TADA1: variants seen among roughly 807,000 people sequenced by gnomAD.
The protein encoded by TADA1 is transcriptional adaptor 1, also known as transcriptional adapter 1.
A neutral mutation model predicts 39.3 loss-of-function variants in TADA1; 23 were observed. The observed-to-expected ratio is 0.58, with a 90% CI of 0.42 to 0.83. The LOEUF is 0.83. Ranked by LOEUF, TADA1 falls within the 40% of genes least tolerant of loss-of-function variation. The pLI is 0.00. For synonymous variants in TADA1, 137 were observed against 151.8 expected (o/e 0.90, Z 0.72); for missense variants, 352 against 408.1 (o/e 0.86, Z 1.18).
chr1:166,861,739 A>G (rs17331024), intron 5 of TADA1, among the ~76,000 whole-genome samples: 56,512 of 152,034 alleles, frequency 0.37, 10,626 homozygotes, highest in Middle Eastern at 0.5. Flanking sequence ...TTGGATTATA[A>G]TGAGTTTCTC....
Position 166,869,635 on chromosome 1 carries a change from T to C in TADA1, c.167-125A>G. 3.6e-6 allele frequency: 4 copies of C among 1,102,338 alleles called. No homozygotes were observed. In the South Asian group the frequency reaches 4.2e-5, roughly 12 times the overall value. The allele number at this position is 1,102,338 out of a possible 1,614,324, so 68.3% of individuals were successfully genotyped here. ...TCTGCCATGCTTTATACTTAAAGTA[T>C]CCACATTATTAAGATAACCTTATAC... On this transcript the variant is annotated intron_variant, in intron 2 of 7. Transcript: ENST00000367874.
At chr1:166,869,277 A>T (rs1202724078) in intron 3 of TADA1, 168 bp downstream of exon 3, 32 of 180,166 alleles carry the variant, frequency 1.8e-4, no homozygotes, top group Non-Finnish European at 2.6e-4. Context: ...TTTCTGCTTT[A>T]AAAAAAAAAA....
chr1:166,858,681 T>C (rs1231600560), intron 6 of TADA1, among the ~76,000 whole-genome samples: 3 of 151,766 alleles, frequency 2.0e-5, no homozygotes, highest in Non-Finnish European at 2.9e-5. Flanking sequence ...AAATGGAGAG[T>C]GGGGAAAATT....
intron 1 of TADA1, among the ~76,000 whole-genome samples, chr1:166,870,646 G>A (rs61815108): frequency 0.19 from 28,572 of 152,158 alleles, 3,357 homozygotes; most frequent in Middle Eastern, 0.27. Flanking sequence ...TGGGCAACAT[G>A]GCAGGACCTC....
intron 3 of TADA1, 77 bp downstream of exon 3, chr1:166,869,368 A>T: frequency 1.7e-6 from 2 of 1,205,164 alleles, no homozygotes; most frequent in Non-Finnish European, 2.4e-6. Context: ...TACAAACACT[A>T]GCTGTGTCTA....
intron 7 of TADA1, 114 bp downstream of exon 7, chr1:166,858,005 A>C: frequency 7.4e-7 from 1 of 1,351,052 alleles, no homozygotes; most frequent in Non-Finnish European, 1.0e-6. Context: ...TAACAGACAA[A>C]ACTGAAAAAC....
At chr1:166,863,728 T>C in intron 4 of TADA1, 96 bp downstream of exon 4, 1 of 1,110,086 alleles carries the variant, frequency 9.0e-7, no homozygotes, top group Non-Finnish European at 1.4e-6. Context: ...TCAACTCTAC[T>C]ACCAGTATTT....
intron 5 of TADA1, 89 bp downstream of exon 5, chr1:166,862,114 G>T: frequency 8.0e-7 from 1 of 1,246,398 alleles, no homozygotes; most frequent in Non-Finnish European, 1.2e-6. Flanking sequence ...AGTGACATTT[G>T]GATTCTTTTC....
chr1:166,865,867 C>G (rs1161690531), intron 3 of TADA1, among the ~76,000 whole-genome samples: 1 of 151,758 alleles, frequency 6.6e-6, no homozygotes, highest in Admixed American at 6.6e-5. Context: ...AAAAAATCAC[C>G]CATAATCATA....
rs777540990 is a variant in TADA1 at position 166,857,706 on chromosome 1, A to C, written c.869T>G (p.Val290Gly). Residue 290 changes from valine (V) to glycine (G), a missense_variant, in exon 8 of 8, where the codon GTC (valine) becomes GGC (glycine). Transcript: ENST00000367874. ...AGCATAGACAGTATGTGTAGGGATG[A>C]CTTCCCTGTGCACCTGGGATTAAAA... ...LFEALQVHRE[V>G]IPTHTVYALN... 17 of 1,612,234 alleles carry C rather than the reference A, an allele frequency of 1.1e-5. No homozygotes were observed. Among genetic ancestry groups the C allele is most frequent in the African/African-American group, 2.7e-5 (2 of 74,862 alleles).
At chr1:166,863,479 T>A (rs1027999703) in intron 4 of TADA1, among the ~76,000 whole-genome samples, 4 of 152,158 alleles carry the variant, frequency 2.6e-5, no homozygotes, top group African/African-American at 9.7e-5. Flanking sequence ...AGGACCCCAT[T>A]AAAGGCCTCC....
At chr1:166,865,701 C>A (rs1004812769) in intron 3 of TADA1, among the ~76,000 whole-genome samples, 4 of 151,810 alleles carry the variant, frequency 2.6e-5, no homozygotes, top group Non-Finnish European at 5.9e-5. Flanking sequence ...CACCTGTAGT[C>A]CCAGCTACTC....
chr1:166,858,271 A>C lies in TADA1; in HGVS notation c.703T>G (p.Phe235Val). The change falls in exon 7 of 8, where the codon TTT becomes GTT. Residue 235 changes from phenylalanine (F) to valine (V), a missense_variant. This residue lies in a region of TADA1 where 285 missense variants were observed against 310.9 expected (regional missense o/e 0.92). Coordinates refer to ENST00000367874, the MANE Select transcript of TADA1 (RefSeq NM_053053.4). The part of the protein sequence containing the change: ...YNNLIESPPA[F>V]TAPCAGQNPA... ...TTCTGACCAGCACAGGGAGCAGTAAAAGCTGGAGGGCTGAAAATAAAAATT... is the reference window on the plus strand; with the variant it reads ...TTCTGACCAGCACAGGGAGCAGTAACAGCTGGAGGGCTGAAAATAAAAATT... 1.3e-6 allele frequency: 2 copies of C among 1,552,996 alleles called. No individual in the cohort carries two copies. The highest frequency in any genetic ancestry group is 1.7e-6 in the Non-Finnish European group (2 of 1,153,136).
intron 1 of TADA1, among the ~76,000 whole-genome samples, chr1:166,873,771 A>G (rs993254463): frequency 6.6e-6 from 1 of 152,196 alleles, no homozygotes; most frequent in Non-Finnish European, 1.5e-5. Flanking sequence ...GATGCACCAA[A>G]TTTAGCTTCA....
intron 1 of TADA1, among the ~76,000 whole-genome samples, chr1:166,873,154 G>A (rs1339332231): frequency 1.3e-5 from 2 of 151,826 alleles, no homozygotes; most frequent in Non-Finnish European, 2.9e-5. Context: ...GCCTGTAATC[G>A]CAGCTACTCA....
rs1353914373 is a variant in TADA1 at position 166,874,341 on chromosome 1, A to G, written c.74+1819T>C. 2.1e-5 allele frequency among the ~76,000 whole-genome samples: 3 copies of G among 140,148 alleles called. No individual in the cohort carries two copies. The East Asian group carries it at 5.9e-4, about 27-fold the overall frequency. 91.9% of individuals were successfully genotyped at this position (140,148 alleles called of 152,430 possible). The stretch of plus-strand genomic sequence containing the variant: ...GACGACAGAGCAAGACTCCATCTCA[A>G]AAAAAAAAAAGGTAAATTTTATCAG... On this transcript the variant is annotated intron_variant, in intron 1 of 7. Coordinates refer to ENST00000367874, the MANE Select transcript of TADA1 (RefSeq NM_053053.4).
intron 1 of TADA1, among the ~76,000 whole-genome samples, chr1:166,873,220 G>A (rs764495765): frequency 3.3e-5 from 5 of 152,106 alleles, no homozygotes; most frequent in Non-Finnish European, 5.9e-5. Flanking sequence ...GCAGTGAGCC[G>A]AGATCGCACC....
chr1:166,859,016 G>A (rs1040388753), intron 6 of TADA1, among the ~76,000 whole-genome samples: 10 of 152,222 alleles, frequency 6.6e-5, no homozygotes, highest in Non-Finnish European at 1.0e-4. Context: ...CCGCTACAAG[G>A]AGCCACTTTT....
intron 1 of TADA1, 87 bp downstream of exon 1, chr1:166,876,073 C>T: frequency 3.8e-6 from 5 of 1,318,686 alleles, no homozygotes; most frequent in Non-Finnish European, 5.1e-6. Context: ...CCCCGGGCGA[C>T]GCGGGCGTCT....
Sources: allele counts gnomAD v4.1 joint callset (sites outside exome capture counted in the v4.1 genomes callset), GRCh38; gene constraint gnomAD v4.1.1; regional missense constraint gnomAD v4.1.1; transcripts MANE v1.5; gene names NCBI Gene and HGNC (gene_info 2026-07-23, HGNC 2026-07-21).